The following DLGAP2 variants were observed in gnomAD, a reference collection of about 807,000 sequenced individuals.
DLGAP2 encodes the protein disks large-associated protein 2.
Under a neutral mutation model 100.3 loss-of-function variants are expected in DLGAP2, and 26 were observed. The observed-to-expected ratio is 0.26, with a 90% CI of 0.19 to 0.36. The LOEUF (loss-of-function observed/expected upper bound fraction) is 0.36. DLGAP2 is among the 10% of genes least tolerant of loss of function. The probability of loss-of-function intolerance (pLI) is 1.00; values close to 1 mark genes in which losing one functional copy is unlikely to be tolerated. For missense variants in DLGAP2, 1,858 were observed against 1,453.2 expected (o/e 1.28, Z -4.53); for synonymous variants, 886 against 630.1 (o/e 1.41, Z -6.08).
chr8:856,188 T>TTCTTCTTCTTCTTCTTCTTC (rs1218302818), intron 1 of DLGAP2, among the ~76,000 whole-genome samples: 35 of 44,748 alleles, frequency 7.8e-4, no homozygotes, highest in African/African-American at 2.2e-3. Context: ...TCTTCTTCTT[T>TTCTTCTTCTTCTTCTTCTTC]TTTTTTTTTT....
intron 2 of DLGAP2, among the ~76,000 whole-genome samples, chr8:931,152 G>A (rs1418115607): frequency 6.6e-6 from 1 of 152,164 alleles, no homozygotes; most frequent in Non-Finnish European, 1.5e-5. Context: ...CTGAAGTCCA[G>A]GCACTGAGGC....
Position 1,701,435 on chromosome 8 carries a change from G to A in DLGAP2, c.*29G>A. The A allele has an allele frequency of 1.3e-6, 2 of 1,550,898 alleles. No homozygotes were observed. Among genetic ancestry groups the A allele is most frequent in the East Asian group, 2.4e-5 (1 of 41,604 alleles). On this transcript the variant is annotated 3_prime_UTR_variant, in exon 15 of 15. Transcript: ENST00000637795. ...CGGAGGCCGGCGCCTTCCCCTCGTC[G>A]CTTCCGCTTTCCCGGACGCTTGTGC...
chr8:800,388 G>A (rs1313914075), intron 1 of DLGAP2, among the ~76,000 whole-genome samples: 1 of 152,248 alleles, frequency 6.6e-6, no homozygotes, highest in East Asian at 1.9e-4. Flanking sequence ...GATGTGGGCT[G>A]TTTGCACAAT....
chr8:1,483,119 C>T (rs949285356), intron 3 of DLGAP2, among the ~76,000 whole-genome samples: 1 of 152,132 alleles, frequency 6.6e-6, no homozygotes, highest in Non-Finnish European at 1.5e-5. Flanking sequence ...CGCTCGGTGC[C>T]GGCAGGAAGG....
chr8:1,277,964 G>T (rs1000944988), intron 3 of DLGAP2, among the ~76,000 whole-genome samples: 1 of 152,190 alleles, frequency 6.6e-6, no homozygotes, highest in African/African-American at 2.4e-5. Context: ...GTAGGGAGTT[G>T]GTAGGGATGG....
Position 927,454 on chromosome 8 carries a change from C to T in DLGAP2, c.73+19488C>T, listed in dbSNP as rs1798841910. Among the ~76,000 whole-genome samples, 2 of 152,168 alleles carry T rather than the reference C, an allele frequency of 1.3e-5. 1 individual carries two copies. The highest frequency in any genetic ancestry group is 4.1e-4 in the South Asian group (2 of 4,828). ...CCAAAGGTCTCAGGGTGGAATTGTT[C>T]ACGTCAGGAATGTGCTTTGAGCAGG... On this transcript the variant is annotated intron_variant, in intron 2 of 14. Transcript: ENST00000637795.
intron 1 of DLGAP2, among the ~76,000 whole-genome samples, chr8:861,717 G>C (rs1396203397): frequency 1.3e-5 from 2 of 152,196 alleles, no homozygotes; most frequent in African/African-American, 2.4e-5. Flanking sequence ...TGCAAACCTG[G>C]CGAGGCCTCC....
At chr8:1,412,103 C>G (rs1266670169) in intron 3 of DLGAP2, among the ~76,000 whole-genome samples, 1 of 152,274 alleles carries the variant, frequency 6.6e-6, no homozygotes, top group African/African-American at 2.4e-5. Flanking sequence ...CCAGGCCTCT[C>G]AAGCATGGGC....
chr8:1,169,472 C>T (rs1298848175), intron 2 of DLGAP2, among the ~76,000 whole-genome samples: 1 of 152,112 alleles, frequency 6.6e-6, no homozygotes, highest in Non-Finnish European at 1.5e-5. Flanking sequence ...TTACCCTGGG[C>T]AATATGGCCA....
chr8:922,772 C>G (rs1389128338), intron 2 of DLGAP2, among the ~76,000 whole-genome samples: 2 of 152,254 alleles, frequency 1.3e-5, no homozygotes, highest in African/African-American at 2.4e-5. Flanking sequence ...CATTGCTAAA[C>G]AGGTATTCAG....
At chr8:764,797 T>C (rs1821170231) in intron 1 of DLGAP2, among the ~76,000 whole-genome samples, 1 of 152,158 alleles carries the variant, frequency 6.6e-6, no homozygotes, top group Non-Finnish European at 1.5e-5. Flanking sequence ...GGTATAACTG[T>C]GACCTAAGCA....
intron 3 of DLGAP2, among the ~76,000 whole-genome samples, chr8:1,372,424 C>G (rs1325231784): frequency 6.6e-6 from 1 of 152,220 alleles, no homozygotes; most frequent in Non-Finnish European, 1.5e-5. Flanking sequence ...CCTCCCTCTC[C>G]TGGTGTGGGG....
intron 7 of DLGAP2, among the ~76,000 whole-genome samples, chr8:1,630,512 C>T (rs1308040590): frequency 6.6e-6 from 1 of 152,038 alleles, no homozygotes; most frequent in Non-Finnish European, 1.5e-5. Context: ...ACCATCCTGG[C>T]TAACATGGTG....
intron 2 of DLGAP2, among the ~76,000 whole-genome samples, chr8:1,042,695 T>G (rs113833872): frequency 1.1e-4 from 16 of 146,918 alleles, no homozygotes; most frequent in South Asian, 2.2e-4. Flanking sequence ...GATGTGGGTG[T>G]TGGATGTCGG....
chr8:1,142,313 G>T (rs944428790), intron 2 of DLGAP2, among the ~76,000 whole-genome samples: 16 of 152,136 alleles, frequency 1.1e-4, no homozygotes, highest in African/African-American at 3.9e-4. Context: ...CGACACAGAA[G>T]CCATGAGTTC....
At chr8:1,422,573 A>G (rs11377352) in intron 3 of DLGAP2, among the ~76,000 whole-genome samples, 30,972 of 150,786 alleles carry the variant, frequency 0.21, 3,516 homozygotes, top group East Asian at 0.35. Flanking sequence ...AAAAAAAAAA[A>G]AAAAGGTGTG....
intron 2 of DLGAP2, among the ~76,000 whole-genome samples, chr8:958,505 C>T (rs1436521948): frequency 7.0e-6 from 1 of 143,662 alleles, no homozygotes; most frequent in African/African-American, 2.6e-5. Flanking sequence ...CTCATTCAGA[C>T]ATCTTTCTGG....
intron 3 of DLGAP2, among the ~76,000 whole-genome samples, chr8:1,273,104 G>T (rs1289085963): frequency 1.3e-5 from 2 of 152,158 alleles, no homozygotes; most frequent in Non-Finnish European, 2.9e-5. Context: ...CCATTCTTAT[G>T]ATAAAAATGA....
At chr8:789,486 G>A (rs750141439) in intron 1 of DLGAP2, among the ~76,000 whole-genome samples, 3 of 152,198 alleles carry the variant, frequency 2.0e-5, no homozygotes, top group Non-Finnish European at 4.4e-5. Flanking sequence ...CCCCTCTTCC[G>A]ACACTGGGGA....
Sources: gnomAD v4.1 joint callset for allele counts (sites outside exome capture counted in the v4.1 genomes callset) on GRCh38, gnomAD v4.1.1 for gene constraint, MANE v1.5 for transcripts, NCBI Gene and HGNC (gene_info 2026-07-23, HGNC 2026-07-21) for gene names.